LRP1B: variants seen among roughly 807,000 people sequenced by gnomAD.
LRP1B encodes low-density lipoprotein receptor-related protein 1B.
In LRP1B, 217 loss-of-function variants were observed where a neutral mutation model predicts 556.6. That is an observed-to-expected ratio of 0.39 (90% CI 0.35 to 0.44). The LOEUF is 0.44. Among genes scored for constraint, LRP1B ranks in the 20% least tolerant of loss-of-function variants. The pLI is 1.00. For missense variants in LRP1B, 5,053 were observed against 5,620.8 expected, an observed-to-expected ratio of 0.90 and a Z score of 3.23; for synonymous variants, 2,047 against 1,865.8, an observed-to-expected ratio of 1.10 and a Z score of -2.50.
intron 7 of LRP1B, among the ~76,000 whole-genome samples, chr2:141,167,873 A>T (rs1680335835): frequency 6.6e-6 from 1 of 152,154 alleles, no homozygotes; most frequent in African/African-American, 2.4e-5. Flanking sequence ...ATATATTTAC[A>T]ATATAGTCAA....
intron 2 of LRP1B, among the ~76,000 whole-genome samples, chr2:141,773,127 A>G (rs1022970492): frequency 6.6e-6 from 1 of 152,198 alleles, no homozygotes; most frequent in Non-Finnish European, 1.5e-5. Context: ...GTTATTTTCT[A>G]GTTGTGAAGT....
At chr2:140,279,232 G>A (rs911667830) in intron 84 of LRP1B, among the ~76,000 whole-genome samples, 2 of 151,870 alleles carry the variant, frequency 1.3e-5, no homozygotes, top group African/African-American at 4.8e-5. Context: ...GCAATCATTG[G>A]ATACTTGTAA....
intron 37 of LRP1B, among the ~76,000 whole-genome samples, chr2:140,707,800 C>T (rs929286909): frequency 2.6e-5 from 4 of 151,956 alleles, no homozygotes; most frequent in Non-Finnish European, 5.9e-5. Flanking sequence ...TTTTTCAAGT[C>T]TTAAATATGT....
chr2:141,660,537 G>GTA (rs1196205178), intron 2 of LRP1B, among the ~76,000 whole-genome samples: 1 of 152,236 alleles, frequency 6.6e-6, no homozygotes, highest in East Asian at 1.9e-4. Context: ...TCCCCAGGGT[G>GTA]TACCACAGCA....
chr2:141,350,174 G>A (rs1025646011), intron 3 of LRP1B, among the ~76,000 whole-genome samples: 1 of 152,020 alleles, frequency 6.6e-6, no homozygotes, highest in Non-Finnish European at 1.5e-5. Context: ...CACAACATGT[G>A]GGAAATCAAG....
chr2:141,577,166 C>T, intron 2 of LRP1B, among the ~76,000 whole-genome samples: 1 of 152,144 alleles, frequency 6.6e-6, no homozygotes. Context: ...AAAGTAGTAG[C>T]ATAGCCCAGA....
chr2:141,978,534 G>C (rs1306682869), intron 1 of LRP1B, among the ~76,000 whole-genome samples: 1 of 151,800 alleles, frequency 6.6e-6, no homozygotes, highest in Non-Finnish European at 1.5e-5. Context: ...ATTTTATATT[G>C]TCTTCTAGTG....
rs140760162 is a variant in LRP1B at position 140,286,160 on chromosome 2, G to A, written c.12968-11562C>T. The stretch of plus-strand genomic sequence containing the variant: ...ATATTTGTTGAATTAATAAATGAGC[G>A]CTTCCCCTTGGAAAGCAGGGCACTA... On this transcript the variant is annotated intron_variant, in intron 84 of 90. Coordinates refer to ENST00000389484, the MANE Select transcript of LRP1B (RefSeq NM_018557.3). 1.1e-4 allele frequency among the ~76,000 whole-genome samples: 16 copies of A among 151,948 alleles called. No individual in the cohort carries two copies. In the East Asian group the frequency reaches 1.7e-3, roughly 17 times the overall value.
At chr2:140,994,719 C>A (rs1243046504) in intron 15 of LRP1B, among the ~76,000 whole-genome samples, 1 of 151,762 alleles carries the variant, frequency 6.6e-6, no homozygotes, top group Non-Finnish European at 1.5e-5. Flanking sequence ...ATGTTGTACA[C>A]CTTAAATACA....
intron 3 of LRP1B, among the ~76,000 whole-genome samples, chr2:141,276,390 C>T (rs1255591259): frequency 2.0e-5 from 3 of 151,636 alleles, no homozygotes; most frequent in Admixed American, 1.3e-4. Context: ...ATTATTTTGT[C>T]ACTGAGGTAA....
intron 1 of LRP1B, among the ~76,000 whole-genome samples, chr2:141,962,394 G>A (rs1701426293): frequency 6.6e-6 from 1 of 151,706 alleles, no homozygotes; most frequent in Non-Finnish European, 1.5e-5. Flanking sequence ...AAAAAGCTAT[G>A]TTTATTTTTA....
At chr2:141,956,075 C>T (rs1184658072) in intron 1 of LRP1B, among the ~76,000 whole-genome samples, 5 of 151,990 alleles carry the variant, frequency 3.3e-5, no homozygotes, top group South Asian at 2.1e-4. Flanking sequence ...CTTTAATTGT[C>T]TGGATTGAGT....
intron 80 of LRP1B, among the ~76,000 whole-genome samples, chr2:140,325,421 A>T (rs1046612326): frequency 5.9e-5 from 9 of 152,102 alleles, no homozygotes; most frequent in Admixed American, 2.0e-4. Flanking sequence ...TTGTTATTGC[A>T]ATTGAAATAA....
At chr2:140,983,890 A>G (rs954461362) in intron 17 of LRP1B, among the ~76,000 whole-genome samples, 9 of 151,940 alleles carry the variant, frequency 5.9e-5, no homozygotes, top group Non-Finnish European at 1.5e-5. Flanking sequence ...GCAAACATGT[A>G]TGCTTCTGAA....
chr2:141,569,174 T>A (rs1011597573), intron 2 of LRP1B, among the ~76,000 whole-genome samples: 3 of 151,036 alleles, frequency 2.0e-5, no homozygotes, highest in African/African-American at 7.3e-5. Context: ...CAATAGGAGA[T>A]CATTTGAAAA....
intron 11 of LRP1B, among the ~76,000 whole-genome samples, chr2:141,023,854 A>T (rs1698139583): frequency 6.6e-6 from 1 of 152,014 alleles, no homozygotes; most frequent in Admixed American, 6.6e-5. Context: ...ACCTTATACA[A>T]GTTTATCCAG....
intron 32 of LRP1B, among the ~76,000 whole-genome samples, chr2:140,807,284 A>C (rs1690751914): frequency 6.6e-6 from 1 of 152,164 alleles, no homozygotes; most frequent in Non-Finnish European, 1.5e-5. Context: ...TAATGTAGGA[A>C]ACTGTTTTTA....
chr2:141,978,932 AT>A (rs554122256), intron 1 of LRP1B, among the ~76,000 whole-genome samples: 26 of 149,748 alleles, frequency 1.7e-4, no homozygotes, highest in Middle Eastern at 3.4e-3. Context: ...AGAATAAGAC[AT>A]TTTTTTTTCT....
chr2:141,462,775 T>C (rs1382866899), intron 3 of LRP1B, among the ~76,000 whole-genome samples: 1 of 152,074 alleles, frequency 6.6e-6, no homozygotes, highest in East Asian at 1.9e-4. Flanking sequence ...TGTCTTATTG[T>C]TACTATACTA....
Sources: gnomAD v4.1 joint callset for allele counts (sites outside exome capture counted in the v4.1 genomes callset) on GRCh38, gnomAD v4.1.1 for gene constraint, MANE v1.5 for transcripts, NCBI Gene and HGNC (gene_info 2026-07-23, HGNC 2026-07-21) for gene names.